The following STK32B variants were observed in gnomAD, a reference collection of about 807,000 sequenced individuals.
STK32B encodes the protein serine/threonine-protein kinase 32B.
In STK32B, 43 loss-of-function variants were observed where a neutral mutation model predicts 52.6. That is an observed-to-expected ratio of 0.82 (90% CI 0.64 to 1.05). STK32B has a LOEUF of 1.05. STK32B is among the 50% of genes least tolerant of loss of function. The pLI is 0.00. For missense variants in STK32B, 621 were observed against 534.6 expected (o/e 1.16, Z -1.59); for synonymous variants, 238 against 204.3 (o/e 1.17, Z -1.41).
At chr4:5,424,492 A>T (rs1712915404) in intron 6 of STK32B, among the ~76,000 whole-genome samples, 1 of 151,774 alleles carries the variant, frequency 6.6e-6, no homozygotes, top group Non-Finnish European at 1.5e-5. Flanking sequence ...GCCCATAAAA[A>T]CCCCAAACTG....
rs188660661 is a variant in STK32B, at chr4:5,410,134, A to G, written c.473-6711A>G. Among the ~76,000 whole-genome samples the G allele has an allele frequency of 2.4e-3, 368 of 152,248 alleles. 3 individuals are homozygous for G. Among genetic ancestry groups the G allele is most frequent in the African/African-American group, 8.3e-3 (346 of 41,520 alleles). ...TTGAACAGTGGCAGCCAATGTTACAATCAGCGCCCACGGCTCCAAAGTGCA... is the reference window on the plus strand; with the variant it reads ...TTGAACAGTGGCAGCCAATGTTACAGTCAGCGCCCACGGCTCCAAAGTGCA... On this transcript the variant is annotated intron_variant, in intron 5 of 11. Coordinates refer to ENST00000282908, the MANE Select transcript of STK32B (RefSeq NM_018401.3).
chr4:5,083,739 TA>T (rs1195258383), intron 1 of STK32B, among the ~76,000 whole-genome samples: 2 of 125,164 alleles, frequency 1.6e-5, no homozygotes, highest in Non-Finnish European at 3.7e-5. Flanking sequence ...TTCTGTTACC[TA>T]TTTTTTTTTT....
At chr4:5,080,022 C>T (rs1489589925) in intron 1 of STK32B, among the ~76,000 whole-genome samples, 2 of 146,936 alleles carry the variant, frequency 1.4e-5, no homozygotes, top group Non-Finnish European at 3.0e-5. Context: ...AAGATCAAAC[C>T]GTTCTGGAGA....
the STK32B span, among the ~76,000 whole-genome samples, chr4:5,037,652 A>G: frequency 1.3e-5 from 2 of 152,128 alleles, no homozygotes; most frequent in South Asian, 2.1e-4. Context: ...AACTTCCCCA[A>G]AGCAAACCCT....
intron 1 of STK32B, among the ~76,000 whole-genome samples, chr4:5,080,879 T>C (rs73200929): frequency 2.0e-5 from 3 of 152,130 alleles, no homozygotes; most frequent in Admixed American, 6.6e-5. Context: ...GTCACCATGC[T>C]GTACCATTAG....
intron 1 of STK32B, among the ~76,000 whole-genome samples, chr4:5,131,646 G>A (rs1241088380): frequency 6.6e-6 from 1 of 152,144 alleles, no homozygotes; most frequent in East Asian, 1.9e-4. Context: ...GGACTGTCAT[G>A]CATGTTTTTT....
At chr4:5,250,807 A>T (rs1725874813) in intron 3 of STK32B, among the ~76,000 whole-genome samples, 3 of 152,112 alleles carry the variant, frequency 2.0e-5, no homozygotes, top group Admixed American at 2.0e-4. Context: ...GCATTTATTT[A>T]GTGATGAGTG....
chr4:5,493,215 C>CT (rs1239151629), intron 11 of STK32B, among the ~76,000 whole-genome samples: 3 of 152,010 alleles, frequency 2.0e-5, no homozygotes, highest in Non-Finnish European at 4.4e-5. Context: ...GTCCTGGACT[C>CT]TTTTTTCTTG....
chr4:5,060,670 C>T (rs1742184684), intron 1 of STK32B, among the ~76,000 whole-genome samples: 1 of 151,698 alleles, frequency 6.6e-6, no homozygotes, highest in African/African-American at 2.4e-5. Flanking sequence ...ATGAAGTATT[C>T]TCTTCATCAT....
chr4:5,188,914 A>G (rs1240161931), intron 3 of STK32B, among the ~76,000 whole-genome samples: 1 of 152,024 alleles, frequency 6.6e-6, no homozygotes, highest in Non-Finnish European at 1.5e-5. Context: ...CCTAATGTAA[A>G]TGATTAGCCA....
intron 1 of STK32B, among the ~76,000 whole-genome samples, chr4:5,052,701 C>T (rs1741837715): frequency 6.6e-6 from 1 of 152,126 alleles, no homozygotes; most frequent in Admixed American, 6.5e-5. Flanking sequence ...GAAGCTTAAC[C>T]ACTAGTAATC....
In STK32B at chr4:5,051,523, C is replaced by T; in HGVS notation, c.-341C>T. 1 of 333,084 alleles carries T rather than the reference C, an allele frequency of 3.0e-6. No individual in the cohort carries two copies. Among genetic ancestry groups the T allele is most frequent in the Non-Finnish European group, 5.4e-6 (1 of 185,172 alleles). 20.6% of individuals were successfully genotyped at this position (333,084 alleles called of 1,614,324 possible). A position where few individuals can be genotyped will look rare whatever the true frequency, so the allele number is the denominator to read the frequency against. On this transcript the variant is annotated 5_prime_UTR_variant, in exon 1 of 12. Transcript: ENST00000282908. ...CTCCCGCGCCGCCTCGCGTCTCCCG[C>T]CCGCTGTAGCCGGCGAGGAGCGCCG...
intron 3 of STK32B, among the ~76,000 whole-genome samples, chr4:5,170,236 C>G (rs1388452581): frequency 1.3e-5 from 2 of 152,136 alleles, no homozygotes; most frequent in Non-Finnish European, 2.9e-5. Flanking sequence ...CCTAGTGGAG[C>G]TTGTATGATG....
intron 3 of STK32B, among the ~76,000 whole-genome samples, chr4:5,239,557 G>A (rs1724864998): frequency 6.6e-6 from 1 of 151,998 alleles, no homozygotes; most frequent in South Asian, 2.1e-4. Context: ...TGGAGAGTGA[G>A]GCTTACTTCC....
chr4:5,212,364 T>C (rs1722956783), intron 3 of STK32B, among the ~76,000 whole-genome samples: 1 of 152,158 alleles, frequency 6.6e-6, no homozygotes, highest in Admixed American at 6.5e-5. Flanking sequence ...GTGACACCTC[T>C]CAAAACAAGC....
intron 4 of STK32B, among the ~76,000 whole-genome samples, chr4:5,369,565 G>C (rs1481516929): frequency 6.6e-6 from 1 of 152,078 alleles, no homozygotes; most frequent in Non-Finnish European, 1.5e-5. Flanking sequence ...CCCCTCTCTT[G>C]GCTTCAGAAG....
chr4:5,133,180 G>A (rs1401501079), intron 1 of STK32B, among the ~76,000 whole-genome samples: 1 of 152,238 alleles, frequency 6.6e-6, no homozygotes, highest in Non-Finnish European at 1.5e-5. Flanking sequence ...GGTTCATTGT[G>A]TGTTTTGTTC....
intron 1 of STK32B, among the ~76,000 whole-genome samples, chr4:5,102,795 A>C: frequency 6.8e-6 from 1 of 147,566 alleles, no homozygotes; most frequent in African/African-American, 2.5e-5. Context: ...TGCCCACCTC[A>C]GCCTCCCAAA....
At chr4:5,157,299 TAAAA>T (rs59362249) in intron 2 of STK32B, among the ~76,000 whole-genome samples, 4 of 101,554 alleles carry the variant, frequency 3.9e-5, no homozygotes, top group African/African-American at 3.6e-5. Flanking sequence ...TGTGAGGATG[TAAAA>T]AAAAAAAAAA....
Sources: allele counts gnomAD v4.1 joint callset (sites outside exome capture counted in the v4.1 genomes callset), GRCh38; gene constraint gnomAD v4.1.1; transcripts MANE v1.5; gene names NCBI Gene and HGNC (gene_info 2026-07-23, HGNC 2026-07-21).